GARRE1: variants seen among roughly 807,000 people sequenced by gnomAD.
GARRE1 encodes granule associated Rac and RHOG effector 1.
Under a neutral mutation model 103.2 loss-of-function variants are expected in GARRE1, and 49 were observed. The observed-to-expected ratio is 0.47, with a 90% CI of 0.38 to 0.60. The LOEUF (loss-of-function observed/expected upper bound fraction) is 0.60, where lower values mean the gene tolerates loss of function less well. GARRE1 is among the 20% of genes least tolerant of loss of function. GARRE1 has a pLI of 0.00. For synonymous variants in GARRE1, 505 were observed against 532.8 expected, an observed-to-expected ratio of 0.95 and a Z score of 0.72; for missense variants, 1,199 against 1,370.5, an observed-to-expected ratio of 0.87 and a Z score of 1.98.
chr19:34,295,637 C>T (rs1244533014), intron 1 of GARRE1, among the ~76,000 whole-genome samples: 1 of 152,130 alleles, frequency 6.6e-6, no homozygotes, highest in Admixed American at 6.5e-5. Context: ...TCAAGTGATA[C>T]TGCTCCCTCA....
At chr19:34,324,914 G>A (rs560379523) in intron 3 of GARRE1, among the ~76,000 whole-genome samples, 121 of 152,234 alleles carry the variant, frequency 7.9e-4, no homozygotes, top group African/African-American at 2.8e-3. Flanking sequence ...ATTTTACACA[G>A]TCTGAAACTT....
intron 8 of GARRE1, among the ~76,000 whole-genome samples, chr19:34,334,696 CAA>C (rs201914309): frequency 7.7e-5 from 9 of 117,520 alleles, no homozygotes; most frequent in African/African-American, 1.1e-4. Context: ...AAAACTATCT[CAA>C]AAAAAAAAAA....
chr19:34,297,992 A>G (rs991839689), intron 1 of GARRE1, among the ~76,000 whole-genome samples: 2 of 152,226 alleles, frequency 1.3e-5, no homozygotes, highest in Non-Finnish European at 2.9e-5. Flanking sequence ...TCATAGAAAT[A>G]CAAAGGAATT....
chr19:34,340,038 G>T, intron 9 of GARRE1, 46 bp downstream of exon 9: 6 of 1,604,940 alleles, frequency 3.7e-6, no homozygotes, highest in Non-Finnish European at 5.1e-6. Context: ...GGGACAGTGT[G>T]ACTATGCACA....
chr19:34,292,470 G>A (rs1182894156), intron 1 of GARRE1, among the ~76,000 whole-genome samples: 4 of 152,058 alleles, frequency 2.6e-5, no homozygotes, highest in Admixed American at 6.6e-5. Flanking sequence ...ATATTTCTTC[G>A]TTTCTCTTGG....
rs148856892 is a variant in GARRE1, at chr19:34,290,275, G to A, written c.-795-9404G>A. On this transcript the variant is annotated intron_variant, in intron 1 of 13. Coordinates refer to ENST00000299505, the MANE Select transcript of GARRE1 (RefSeq NM_014686.5). ...GGAGGCTGAGGTGGGAGGATGGCTT[G>A]AGCCCAGGAGGCGGAGCTTGCAGTG... Among the ~76,000 whole-genome samples the A allele has an allele frequency of 4.4e-3, 665 of 152,188 alleles. 1 individual carries two copies. The highest frequency in any genetic ancestry group is 0.015 in the African/African-American group (633 of 41,530).
chr19:34,344,788 C>G (rs2074203155), intron 10 of GARRE1, among the ~76,000 whole-genome samples: 1 of 151,670 alleles, frequency 6.6e-6, no homozygotes. Context: ...ATTCTCCTGC[C>G]TCAGCTTCCT....
intron 2 of GARRE1, among the ~76,000 whole-genome samples, chr19:34,303,290 G>T (rs538099977): frequency 6.6e-6 from 1 of 152,278 alleles, no homozygotes; most frequent in Admixed American, 6.5e-5. Context: ...TTGGATATGA[G>T]ATCCTAGGAA....
At chr19:34,322,207 T>G (rs1041822341) in intron 3 of GARRE1, among the ~76,000 whole-genome samples, 1 of 152,208 alleles carries the variant, frequency 6.6e-6, no homozygotes, top group African/African-American at 2.4e-5. Context: ...GTTTCGCTCT[T>G]GTTGCCCAGG....
chr19:34,315,687 G>T (rs926142814), intron 2 of GARRE1, among the ~76,000 whole-genome samples: 1 of 119,362 alleles, frequency 8.4e-6, no homozygotes, highest in African/African-American at 3.2e-5. Context: ...CTCCAGCCTG[G>T]GCAACAGAGC....
intron 7 of GARRE1, among the ~76,000 whole-genome samples, chr19:34,332,075 T>C (rs1158417817): frequency 9.9e-5 from 15 of 152,144 alleles, no homozygotes. Context: ...GAACTTGTTT[T>C]TTAGTCTGGT....
chr19:34,327,671 T>G, intron 4 of GARRE1, 100 bp from the exon 5 acceptor site: 1 of 1,464,520 alleles, frequency 6.8e-7, no homozygotes, highest in Non-Finnish European at 9.5e-7. Context: ...GTAATTGACC[T>G]TTTAATAGCT....
chr19:34,285,631 A>G (rs2073881434), intron 1 of GARRE1, among the ~76,000 whole-genome samples: 1 of 152,142 alleles, frequency 6.6e-6, no homozygotes, highest in Non-Finnish European at 1.5e-5. Context: ...TCAAAAAAAG[A>G]AAAAAGAAAA....
intron 8 of GARRE1, among the ~76,000 whole-genome samples, chr19:34,336,469 AT>A (rs11343595): frequency 0.63 from 83,793 of 133,970 alleles, 26,010 homozygotes; most frequent in Middle Eastern, 0.73. Flanking sequence ...GTGTTCCTGA[AT>A]TTTTTTTTTT....
intron 11 of GARRE1, 39 bp from the exon 12 acceptor site, chr19:34,348,977 G>A: frequency 1.9e-6 from 3 of 1,603,528 alleles, no homozygotes; most frequent in Non-Finnish European, 2.5e-6. Flanking sequence ...TGGTGGGGCT[G>A]CAGGAGGCCC....
rs2074146967 is a variant in GARRE1, at chr19:34,333,593, G to T, written c.1264-111G>T. On this transcript the variant is annotated intron_variant, in intron 7 of 13. Transcript: ENST00000299505. ...TGACTGGCCTTGGCATAACTAGGCT[G>T]CTAGGGGAATAGTTCTTAGAGAGTC... 4.4e-6 allele frequency: 3 copies of T among 686,728 alleles called. No individual in the cohort carries two copies. The South Asian group carries it at 5.5e-5, about 13-fold the overall frequency. 42.5% of individuals were successfully genotyped at this position (686,728 alleles called of 1,614,324 possible). A position where few individuals can be genotyped will look rare whatever the true frequency, so the allele number is the denominator to read the frequency against.
At chr19:34,296,832 C>T (rs2073950095) in intron 1 of GARRE1, among the ~76,000 whole-genome samples, 1 of 152,012 alleles carries the variant, frequency 6.6e-6, no homozygotes, top group Non-Finnish European at 1.5e-5. Context: ...TTTTTGGGGA[C>T]AGAGTCTTGC....
chr19:34,300,484 G>A lies in GARRE1; in HGVS notation c.11G>A (p.Cys4Tyr), dbSNP rs770204594. 1.3e-6 allele frequency: 2 copies of A among 1,575,830 alleles called. No homozygotes were observed. Among genetic ancestry groups the A allele is most frequent in the South Asian group, 1.1e-5 (1 of 87,534 alleles). Reference sequence around the variant, plus strand: ...AATTCCCCCTCCCGCATGTATTGCTGCAGTGCCCAGGACAGTAAAATGGAC... The same window carrying A: ...AATTCCCCCTCCCGCATGTATTGCTACAGTGCCCAGGACAGTAAAATGGAC... MYC[C>Y]SAQDSKMDYK... is the part of the protein sequence containing the mutation. Residue 4 changes from cysteine to tyrosine, a missense_variant, in exon 2 of 14, where the codon TGC (cysteine) becomes TAC (tyrosine). Physicochemically the swap from Cys to Tyr is radical, Grantham distance 194. Transcript: ENST00000299505.
At chr19:34,269,056 C>T (rs1433235053) in intron 1 of GARRE1, among the ~76,000 whole-genome samples, 2 of 152,140 alleles carry the variant, frequency 1.3e-5, no homozygotes, top group Non-Finnish European at 2.9e-5. Flanking sequence ...AATTTTGGCT[C>T]TGTTGACCTT....
Sources: allele counts gnomAD v4.1 joint callset (sites outside exome capture counted in the v4.1 genomes callset), GRCh38; gene constraint gnomAD v4.1.1; transcripts MANE v1.5; gene names NCBI Gene and HGNC (gene_info 2026-07-23, HGNC 2026-07-21).